The following AK5 variants were observed in gnomAD, a reference collection of about 807,000 sequenced individuals.
AK5 encodes adenylate kinase isoenzyme 5.
AK5 carries 27 observed loss-of-function variants against 69.5 expected under a neutral mutation model. The ratio of observed to expected loss-of-function variants is 0.39; its 90% CI spans 0.29 to 0.54. AK5 has a LOEUF of 0.54. AK5 is among the 20% of genes least tolerant of loss of function. The pLI is 0.71. For missense variants in AK5, 531 were observed against 700.4 expected (o/e 0.76, Z 2.73); for synonymous variants, 260 against 244.4 (o/e 1.06, Z -0.60).
At chr1:77,384,058 A>G (rs982259440) in intron 6 of AK5, among the ~76,000 whole-genome samples, 1 of 152,172 alleles carries the variant, frequency 6.6e-6, no homozygotes, top group East Asian at 1.9e-4. Context: ...CACATTTTTA[A>G]AAAAAGCCAT....
chr1:77,506,247 G>A (rs1322598769), intron 10 of AK5, among the ~76,000 whole-genome samples: 1 of 151,604 alleles, frequency 6.6e-6, no homozygotes, highest in Non-Finnish European at 1.5e-5. Flanking sequence ...TTGGTTGGTT[G>A]GTTGGTTGTT....
chr1:77,335,534 A>C (rs1661303878), intron 5 of AK5, among the ~76,000 whole-genome samples: 1 of 152,176 alleles, frequency 6.6e-6, no homozygotes, highest in African/African-American at 2.4e-5. Context: ...ATTTCTTAAA[A>C]ACTTTCTGGG....
At chr1:77,381,318 A>T (rs1647618853) in intron 6 of AK5, among the ~76,000 whole-genome samples, 1 of 152,114 alleles carries the variant, frequency 6.6e-6, no homozygotes, top group Non-Finnish European at 1.5e-5. Flanking sequence ...TTGATTTTGG[A>T]CTTCTCCTCC....
At chr1:77,553,356 A>G (rs927963712) in intron 13 of AK5, among the ~76,000 whole-genome samples, 2 of 152,222 alleles carry the variant, frequency 1.3e-5, no homozygotes, top group African/African-American at 4.8e-5. Context: ...GGTGAGGACA[A>G]GAACGGGCCC....
intron 6 of AK5, among the ~76,000 whole-genome samples, chr1:77,351,081 G>A (rs187670581): frequency 1.1e-4 from 17 of 152,274 alleles, no homozygotes; most frequent in Admixed American, 1.0e-3. Context: ...AAAAATAAAA[G>A]GTTTGTTTCA....
intron 6 of AK5, among the ~76,000 whole-genome samples, chr1:77,359,507 A>G (rs554228846): frequency 6.6e-6 from 1 of 152,118 alleles, no homozygotes; most frequent in East Asian, 1.9e-4. Flanking sequence ...CTTTTCTGTA[A>G]ATTTTTAACA....
At chr1:77,478,018 C>T (rs1655050902) in intron 8 of AK5, among the ~76,000 whole-genome samples, 1 of 152,116 alleles carries the variant, frequency 6.6e-6, no homozygotes, top group Non-Finnish European at 1.5e-5. Flanking sequence ...TTGTCATCTC[C>T]AAGAGCAGTA....
chr1:77,403,413 G>T (rs1649382160), intron 6 of AK5, among the ~76,000 whole-genome samples: 1 of 151,918 alleles, frequency 6.6e-6, no homozygotes, highest in Admixed American at 6.6e-5. Flanking sequence ...TTTCTTCTAG[G>T]GTTTTTATGG....
intron 6 of AK5, among the ~76,000 whole-genome samples, chr1:77,373,300 T>C (rs1483248469): frequency 1.3e-5 from 2 of 152,236 alleles, no homozygotes; most frequent in Non-Finnish European, 2.9e-5. Context: ...CAATAATTTG[T>C]CCTCCCAATG....
intron 2 of AK5, among the ~76,000 whole-genome samples, chr1:77,291,789 A>G (rs1658703450): frequency 6.6e-6 from 1 of 152,244 alleles, no homozygotes; most frequent in Admixed American, 6.5e-5. Context: ...AGGAGAAGAC[A>G]AACAATGAAT....
At chr1:77,515,190 A>G (rs1004223480) in intron 10 of AK5, among the ~76,000 whole-genome samples, 3 of 152,190 alleles carry the variant, frequency 2.0e-5, no homozygotes, top group African/African-American at 2.4e-5. Flanking sequence ...TGACAATACT[A>G]TGAGGGGTCT....
chr1:77,444,423 C>T (rs61101275), intron 8 of AK5, among the ~76,000 whole-genome samples: 512 of 26,536 alleles, frequency 0.019, 46 homozygotes, highest in African/African-American at 0.056. Context: ...ATAGTATATA[C>T]ATAGTATAAA....
Position 77,286,924 on chromosome 1 carries a change from AT to A in AK5, c.61-13del, listed in dbSNP as rs1313035333. ...TTTAAAAGATATTTTATTTGTACAT[AT>A]TTTGTTATATTTCAGAGCCTTTTGA... On this transcript the variant is annotated splice_polypyrimidine_tract_variant and intron_variant, in intron 1 of 13. Transcript: ENST00000354567. 1 of 1,369,638 alleles carries A rather than the reference AT, an allele frequency of 7.3e-7. No homozygotes were observed. The highest frequency in any genetic ancestry group is 1.5e-5 in the African/African-American group (1 of 66,880). 84.8% of individuals were successfully genotyped at this position (1,369,638 alleles called of 1,614,324 possible).
intron 6 of AK5, among the ~76,000 whole-genome samples, chr1:77,367,579 A>AATATATATGTT (rs1646984447): frequency 1.9e-5 from 1 of 53,364 alleles, no homozygotes; most frequent in African/African-American, 1.1e-4. Context: ...ATATATATAT[A>AATATATATGTT]ATATATATGT....
intron 10 of AK5, among the ~76,000 whole-genome samples, chr1:77,514,416 G>T (rs748700674): frequency 2.6e-5 from 4 of 152,084 alleles, no homozygotes; most frequent in African/African-American, 4.8e-5. Context: ...GGATATCAAG[G>T]CCCCATTGTT....
intron 5 of AK5, among the ~76,000 whole-genome samples, chr1:77,332,836 AAT>A (rs2100357996): frequency 6.6e-6 from 1 of 152,004 alleles, no homozygotes; most frequent in East Asian, 1.9e-4. Flanking sequence ...ATTGTGTTGA[AAT>A]ATTCTGTACT....
At chr1:77,392,769 G>GT (rs79380416) in intron 6 of AK5, among the ~76,000 whole-genome samples, 10,457 of 148,016 alleles carry the variant, frequency 0.071, 484 homozygotes, top group South Asian at 0.19. Context: ...TGATTGCTGG[G>GT]TTTTTTTTTT....
intron 6 of AK5, among the ~76,000 whole-genome samples, chr1:77,370,979 A>G (rs911475776): frequency 6.6e-6 from 1 of 152,182 alleles, no homozygotes; most frequent in African/African-American, 2.4e-5. Flanking sequence ...CTTACCAGTT[A>G]TGCTTTCTTC....
intron 6 of AK5, among the ~76,000 whole-genome samples, chr1:77,405,610 T>C (rs1320422641): frequency 6.6e-6 from 1 of 152,198 alleles, no homozygotes; most frequent in Non-Finnish European, 1.5e-5. Flanking sequence ...CACTTCTAGA[T>C]TCAGGGGCTG....
Sources: gnomAD v4.1 joint callset for allele counts (sites outside exome capture counted in the v4.1 genomes callset) on GRCh38, gnomAD v4.1.1 for gene constraint, MANE v1.5 for transcripts, NCBI Gene and HGNC (gene_info 2026-07-23, HGNC 2026-07-21) for gene names.